GAREM2: variants seen among roughly 807,000 people sequenced by gnomAD.
GAREM2 encodes the protein GRB2-associated and regulator of MAPK protein 2.
GAREM2 carries 30 observed loss-of-function variants against 55.6 expected under a neutral mutation model. That is an observed-to-expected ratio of 0.54 (90% CI 0.40 to 0.73). GAREM2 has a LOEUF of 0.73. Among genes scored for constraint, GAREM2 ranks in the 30% least tolerant of loss-of-function variants. GAREM2 has a pLI of 0.00. For missense variants in GAREM2, 1,075 were observed against 1,257.7 expected, an observed-to-expected ratio of 0.85 and a Z score of 2.20; for synonymous variants, 550 against 569.1, an observed-to-expected ratio of 0.97 and a Z score of 0.48.
At chr2:26,173,905 C>T (rs1668778573) in intron 1 of GAREM2, among the ~76,000 whole-genome samples, 1 of 152,166 alleles carries the variant, frequency 6.6e-6, no homozygotes, top group Non-Finnish European at 1.5e-5. Context: ...CCCCCAAACT[C>T]CCGGCCCTCC....
chr2:26,201,444 A>T, the GAREM2 span: 5 of 670,298 alleles, frequency 7.5e-6, no homozygotes, highest in African/African-American at 1.8e-5. Context: ...TATTACTCCC[A>T]TTTTGAGGGA....
At chr2:26,176,310 TC>T (rs1668862950) in intron 1 of GAREM2, 33 bp from the exon 2 acceptor site, 2 of 1,479,926 alleles carry the variant, frequency 1.4e-6, no homozygotes, top group African/African-American at 1.5e-5. Context: ...CTGTCTTCCT[TC>T]CCCTCATCCT....
rs528876581 is a variant in GAREM2, at chr2:26,186,302, G to A, written c.1542G>A (p.Gln514=). 6.4e-7 allele frequency: 1 copy of A among 1,551,640 alleles called. No homozygotes were observed. The highest frequency in any genetic ancestry group is 2.0e-5 in the Admixed American group (1 of 50,996). ...PPVPPRFPKL[Q]PVHSPSSSLS... is the part of the protein sequence containing the mutation. Reference sequence around the variant, plus strand: ...TTCCCCCTCGCTTCCCCAAGCTGCAGCCGGTACATTCCCCCAGCTCCAGCC... The same window carrying A: ...TTCCCCCTCGCTTCCCCAAGCTGCAACCGGTACATTCCCCCAGCTCCAGCC... The change falls in exon 5 of 6, where the codon CAG becomes CAA. Residue 514 remains glutamine, a synonymous_variant. Coordinates refer to ENST00000401533, the MANE Select transcript of GAREM2 (RefSeq NM_001168241.2).
Position 26,185,229 on chromosome 2 carries a change from C to G in GAREM2, c.1381C>G (p.Arg461Gly), listed in dbSNP as rs768695038. Residue 461 changes from arginine to glycine, a missense_variant, in exon 4 of 6, where the codon CGG (arginine) becomes GGG (glycine). Coordinates refer to ENST00000401533, the MANE Select transcript of GAREM2 (RefSeq NM_001168241.2). ...CTTCGGGGCCGCGGGACCGCCGCGT[C>G]GGGAGCCGGAAGCGCCGCCGCCTCC... The part of the protein sequence containing the change: ...ISFGAAGPPR[R>G]EPEAPPPPVP... The G allele has an allele frequency of 3.9e-6, 6 of 1,521,338 alleles. No homozygotes were observed. The South Asian group carries it at 6.0e-5, about 15-fold the overall frequency. 94.2% of individuals were successfully genotyped at this position (1,521,338 alleles called of 1,614,324 possible).
the GAREM2 span, among the ~76,000 whole-genome samples, chr2:26,200,634 A>T: frequency 2.6e-5 from 4 of 152,222 alleles, no homozygotes; most frequent in Non-Finnish European, 5.9e-5. Flanking sequence ...AATAAGGTGA[A>T]CGCACCCTCA....
chr2:26,174,205 C>T (rs1471871672), intron 1 of GAREM2, among the ~76,000 whole-genome samples: 4 of 152,184 alleles, frequency 2.6e-5, no homozygotes, highest in Non-Finnish European at 5.9e-5. Flanking sequence ...CCGTGGGGCC[C>T]GGCAGCCCCT....
rs1003103453 is a variant in GAREM2, at chr2:26,176,551, G to T, written c.253+67G>T. The T allele has an allele frequency of 3.1e-5, 42 of 1,351,262 alleles. No homozygotes were observed. The Admixed American group carries it at 8.6e-4, about 28-fold the overall frequency. The allele number at this position is 1,351,262 out of a possible 1,614,324, so 83.7% of individuals were successfully genotyped here. A position where few individuals can be genotyped will look rare whatever the true frequency, so the allele number is the denominator to read the frequency against. On this transcript the variant is annotated intron_variant, in intron 2 of 5. Transcript: ENST00000401533. ...GTGTAGGCAGGAGGGACTGGGGCCA[G>T]GGGTAGGGGGAACGCTGGGACTAGC...
chr2:26,185,177 G>C lies in GAREM2; in HGVS notation c.1329G>C (p.Arg443=), dbSNP rs1288516583. The C allele has an allele frequency of 3.9e-5, 59 of 1,508,008 alleles. No individual in the cohort carries two copies. The highest frequency in any genetic ancestry group is 5.0e-5 in the Non-Finnish European group (57 of 1,135,784). The allele number at this position is 1,508,008 out of a possible 1,614,324, so 93.4% of individuals were successfully genotyped here. Residue 443 remains arginine (R), a synonymous_variant, in exon 4 of 6, where the codon CGG becomes CGC. Coordinates refer to ENST00000401533, the MANE Select transcript of GAREM2 (RefSeq NM_001168241.2). ...ACCAGGGGCCCGAGGGCCTCGTCCG[G>C]CCGCCCCCAGGGCTCGATCTCATCT... is the stretch of plus-strand genomic sequence containing the variant. ...WAHQGPEGLV[R]PPPGLDLISF...
At chr2:26,191,292 T>C, downstream of GAREM2, 1 of 1,613,380 alleles carries the variant, frequency 6.2e-7, no homozygotes, top group African/African-American at 1.3e-5. Context: ...CATGGTCAGC[T>C]AGCAGCTGGC....
the GAREM2 span, among the ~76,000 whole-genome samples, chr2:26,200,677 A>G: frequency 3.3e-5 from 5 of 152,152 alleles, no homozygotes; most frequent in African/African-American, 1.2e-4. Context: ...TTTGACCTTT[A>G]TAACATATGC....
At chr2:26,200,891 C>T in the GAREM2 span, among the ~76,000 whole-genome samples, 1 of 152,090 alleles carries the variant, frequency 6.6e-6, no homozygotes, top group African/African-American at 2.4e-5. Flanking sequence ...TGCCACCATG[C>T]CCGGCTAATT....
At chr2:26,194,362 G>A (rs1387335739), downstream of GAREM2, among the ~76,000 whole-genome samples, 2 of 152,186 alleles carry the variant, frequency 1.3e-5, no homozygotes, top group African/African-American at 4.8e-5. Context: ...TGAGGAGGCT[G>A]TGGGGCAGAG....
chr2:26,186,444 AG>A, intron 5 of GAREM2, 86 bp downstream of exon 5: 1 of 1,313,116 alleles, frequency 7.6e-7, no homozygotes, highest in Non-Finnish European at 1.1e-6. Flanking sequence ...GTGCTGAGGA[AG>A]AGGAAGTCTT....
At chr2:26,190,456 C>T (rs557444027), downstream of GAREM2, among the ~76,000 whole-genome samples, 31 of 152,266 alleles carry the variant, frequency 2.0e-4, no homozygotes, top group South Asian at 2.3e-3. Flanking sequence ...ATGCTGCTCC[C>T]GTGCTGCCTG....
chr2:26,187,534 C>A lies in GAREM2; in HGVS notation c.1902C>A (p.Ser634=). The change falls in exon 6 of 6, where the codon TCC becomes TCA. Residue 634 remains serine (S), a synonymous_variant. Coordinates refer to ENST00000401533, the MANE Select transcript of GAREM2 (RefSeq NM_001168241.2). ...CGTTTGGAGCTCTCAACCCTTTTTC[C>A]GGGCCTGCCTACCCCTCAGGCCCTT... ...FAPFGALNPF[S]GPAYPSGPSA... 6.5e-7 allele frequency: 1 copy of A among 1,534,846 alleles called. No homozygotes were observed. Among genetic ancestry groups the A allele is most frequent in the Non-Finnish European group, 8.8e-7 (1 of 1,139,874 alleles).
At chr2:26,195,900 G>T in the GAREM2 span, among the ~76,000 whole-genome samples, 1 of 152,156 alleles carries the variant, frequency 6.6e-6, no homozygotes, top group Non-Finnish European at 1.5e-5. Context: ...ATTCTGATGC[G>T]TGCTAAGGTT....
rs1240696680 is a variant in GAREM2, at chr2:26,179,619, C to T, written c.253+3135C>T. On this transcript the variant is annotated intron_variant, in intron 2 of 5. Coordinates refer to ENST00000401533, the MANE Select transcript of GAREM2 (RefSeq NM_001168241.2). This position sits in a 1 kb window ranked among gnomAD's most constrained non-coding sequence, Gnocchi z 4.7. ...TCAGGATGGAGCAGGTCCTTAGAGC[C>T]GTGGGGGACCTCAGGTTCCATACAG... 6.6e-6 allele frequency among the ~76,000 whole-genome samples: 1 copy of T among 151,900 alleles called. No homozygotes were observed. Among genetic ancestry groups the T allele is most frequent in the African/African-American group, 2.4e-5 (1 of 41,360 alleles).
intron 2 of GAREM2, 143 bp downstream of exon 2, chr2:26,176,627 C>A: frequency 2.8e-6 from 2 of 703,426 alleles, no homozygotes; most frequent in African/African-American, 1.8e-5. Context: ...AGTTTTCATT[C>A]TGTTCTGTGG....
rs1019534063 is a variant in GAREM2, at chr2:26,187,429, G to T, written c.1797G>T (p.Leu599=). 70 of 1,547,636 alleles carry T rather than the reference G, an allele frequency of 4.5e-5. No homozygotes were observed. Among genetic ancestry groups the T allele is most frequent in the Non-Finnish European group, 5.9e-5 (67 of 1,145,182 alleles). ...TGAGCGGTCGAGCCGCCTCCCTTCT[G>T]GGGGCTGACACCCCTGTTAAGACCT... ...EPLSGRAASL[L]GADTPVKTYH... Residue 599 remains leucine, a synonymous_variant, in exon 6 of 6, where the codon CTG becomes CTT. Coordinates refer to ENST00000401533, the MANE Select transcript of GAREM2 (RefSeq NM_001168241.2).
Sources: gnomAD v4.1 joint callset for allele counts (sites outside exome capture counted in the v4.1 genomes callset) on GRCh38, gnomAD v4.1.1 for gene constraint, Gnocchi (gnomAD v3.1) non-coding constraint, MANE v1.5 for transcripts, NCBI Gene and HGNC (gene_info 2026-07-23, HGNC 2026-07-21) for gene names.